The following DST variants were observed in gnomAD, a reference collection of about 807,000 sequenced individuals.
DST encodes the protein dystonin, also known as bullous pemphigoid antigen.
In DST, 253 loss-of-function variants were observed where a neutral mutation model predicts 875.2. That is an observed-to-expected ratio of 0.29 (90% confidence interval 0.26 to 0.32). The LOEUF (loss-of-function observed/expected upper bound fraction) is 0.32, where lower values mean the gene tolerates loss of function less well. Ranked by LOEUF, DST falls within the 10% of genes least tolerant of loss-of-function variation. The probability of loss-of-function intolerance (pLI) is 1.00; values close to 1 mark genes in which losing one functional copy is unlikely to be tolerated. For synonymous variants in DST, 3,124 were observed against 3,197.1 expected (o/e 0.98, Z 0.77); for missense variants, 8,287 against 9,111.6 (o/e 0.91, Z 3.68).
chr6:56,824,844 G>A (rs1386930283), intron 4 of DST, among the ~76,000 whole-genome samples: 4 of 151,824 alleles, frequency 2.6e-5, no homozygotes, highest in South Asian at 2.1e-4. Flanking sequence ...GAGCGTCTCC[G>A]CCCCGCAGCC....
intron 63 of DST, 107 bp from the exon 64 acceptor site, chr6:56,532,617 G>GTA: frequency 9.5e-7 from 1 of 1,047,354 alleles, no homozygotes; most frequent in Middle Eastern, 2.2e-4. Flanking sequence ...TATTTTGTAT[G>GTA]TATGCACATA....
At chr6:56,503,590 T>TACACACAC (rs1220256775) in intron 78 of DST, among the ~76,000 whole-genome samples, 35 of 48,414 alleles carry the variant, frequency 7.2e-4, no homozygotes, top group East Asian at 2.0e-3. Flanking sequence ...TCTCTACCTA[T>TACACACAC]ACATACACAC....
intron 64 of DST, 119 bp downstream of exon 64, chr6:56,532,225 C>A: frequency 1.1e-6 from 1 of 925,152 alleles, no homozygotes; most frequent in Non-Finnish European, 1.6e-6. Flanking sequence ...TATCTCTGTT[C>A]ACATACATGA....
intron 3 of DST, chr6:56,851,934 C>T (rs1765496350): frequency 2.6e-6 from 4 of 1,527,202 alleles, no homozygotes; most frequent in African/African-American, 1.4e-5. Context: ...GAATCAACAG[C>T]CTTCCTGTTA....
intron 5 of DST, among the ~76,000 whole-genome samples, chr6:56,719,388 G>A (rs933981395): frequency 3.3e-5 from 5 of 152,192 alleles, no homozygotes; most frequent in South Asian, 2.1e-4. Flanking sequence ...GACCAAAGCC[G>A]GGGTTATACA....
chr6:56,596,318 C>T (rs1011672388), intron 47 of DST, among the ~76,000 whole-genome samples: 7 of 152,214 alleles, frequency 4.6e-5, no homozygotes, highest in Admixed American at 1.3e-4. Context: ...TGAGCCACCA[C>T]GCCTGGCCCA....
chr6:56,851,917 G>A, intron 3 of DST: 1 of 1,540,408 alleles, frequency 6.5e-7, no homozygotes, highest in Middle Eastern at 1.7e-4. Context: ...GCCCAACAAT[G>A]AAGCCAGAAT....
chr6:56,459,158 G>T lies in DST; in HGVS notation c.23304C>A (p.Ile7768=), dbSNP rs1431243496. 3.7e-6 allele frequency: 6 copies of T among 1,613,854 alleles called. No individual in the cohort carries two copies. Among genetic ancestry groups the T allele is most frequent in the Non-Finnish European group, 5.1e-6 (6 of 1,179,896 alleles). Residue 7768 remains isoleucine, a synonymous_variant, in exon 104 of 104, where the codon ATC becomes ATA. Transcript: ENST00000680361. ...TTTCCACATCTGAGCACACGGACTGGATTTCTGAAATGTCAAAGTCTGATG... is the reference window on the plus strand; with the variant it reads ...TTTCCACATCTGAGCACACGGACTGTATTTCTGAAATGTCAAAGTCTGATG... The part of the protein sequence containing the change: ...SDASDFDISE[I]QSVCSDVETV...
intron 82 of DST, among the ~76,000 whole-genome samples, chr6:56,495,356 T>C (rs773004796): frequency 1.3e-5 from 2 of 152,024 alleles, no homozygotes; most frequent in East Asian, 1.9e-4. Flanking sequence ...TGATTTATTA[T>C]ATAGGGTTAC....
intron 4 of DST, among the ~76,000 whole-genome samples, chr6:56,823,600 G>A (rs998127100): frequency 1.3e-5 from 2 of 151,960 alleles, no homozygotes; most frequent in East Asian, 1.9e-4. Context: ...TATTAGAGAC[G>A]GGGTTTCAAC....
chr6:56,562,545 G>A (rs1258012824), intron 55 of DST, among the ~76,000 whole-genome samples: 1 of 151,110 alleles, frequency 6.6e-6, no homozygotes, highest in South Asian at 2.1e-4. Context: ...TTGTATTTTA[G>A]AGCAGTAAGT....
chr6:56,615,926 G>A (rs2098610390), intron 36 of DST: 2 of 1,614,048 alleles, frequency 1.2e-6, no homozygotes, highest in African/African-American at 1.3e-5. Context: ...CAGCTGCTGG[G>A]CAAACCCCTC....
intron 69 of DST, among the ~76,000 whole-genome samples, chr6:56,522,884 G>T (rs2096733430): frequency 6.6e-6 from 1 of 152,104 alleles, no homozygotes; most frequent in Non-Finnish European, 1.5e-5. Context: ...AAGGTAGTCT[G>T]AATTCAGAAC....
At position 56,603,946 on chromosome 6, in the gene DST, G is replaced by C. The variant is rs1351882805; in HGVS notation, c.10682C>G (p.Thr3561Arg). Residue 3561 changes from threonine to arginine, a missense_variant, in exon 40 of 104, where the codon ACA (threonine) becomes AGA (arginine). Thr to Arg is a moderately conservative substitution (Grantham distance 71). This residue lies in a region of DST where 3,138 missense variants were observed against 3,116.6 expected (regional missense o/e 1.01). Coordinates refer to ENST00000680361, the MANE Select transcript of DST (RefSeq NM_001374736.1). Reference protein sequence around the residue: ...GLESSTVWASTLPRDEKLKDL... With the variant: ...GLESSTVWASRLPRDEKLKDL... The stretch of plus-strand genomic sequence containing the variant: ...CTTGAGCTTCTCATCTCTTGGCAAT[G>C]TTGATGCCCACACAGTAGAGCTTTC... The C allele has an allele frequency of 6.2e-7, 1 of 1,611,480 alleles. No homozygotes were observed.
At chr6:56,922,302 G>A (rs1804708745) in intron 2 of DST, among the ~76,000 whole-genome samples, 2 of 152,046 alleles carry the variant, frequency 1.3e-5, no homozygotes, top group Admixed American at 6.6e-5. Context: ...GCCGCCCTTC[G>A]TTCCCTCCTC....
chr6:56,579,033 G>T (rs1364578138), intron 49 of DST, 96 bp from the exon 50 acceptor site: 1 of 1,137,624 alleles, frequency 8.8e-7, no homozygotes, highest in African/African-American at 1.6e-5. Context: ...AAGTAAAATT[G>T]GACAGAATAA....
chr6:56,941,274 A>G (rs1816402175), intron 2 of DST, among the ~76,000 whole-genome samples: 1 of 152,130 alleles, frequency 6.6e-6, no homozygotes, highest in African/African-American at 2.4e-5. Flanking sequence ...ATATTTTTAA[A>G]TTTCCTTTAT....
chr6:56,672,303 A>C (rs2099105598), intron 9 of DST, among the ~76,000 whole-genome samples: 2 of 152,180 alleles, frequency 1.3e-5, no homozygotes, highest in Admixed American at 1.3e-4. Flanking sequence ...AGAGGCTGCC[A>C]TGCCCCATGG....
chr6:56,679,743 G>A (rs1157106205), intron 9 of DST, among the ~76,000 whole-genome samples: 1 of 151,990 alleles, frequency 6.6e-6, no homozygotes, highest in Non-Finnish European at 1.5e-5. Context: ...CTACACTCCA[G>A]CCTGGTGAAA....
Sources: gnomAD v4.1 joint callset for allele counts (sites outside exome capture counted in the v4.1 genomes callset) on GRCh38, gnomAD v4.1.1 for gene constraint, gnomAD v4.1.1 regional missense constraint, MANE v1.5 for transcripts, NCBI Gene and HGNC (gene_info 2026-07-23, HGNC 2026-07-21) for gene names.